The following ARAP2 variants were observed in gnomAD, a reference collection of about 807,000 sequenced individuals.
The protein encoded by ARAP2 is arf-GAP with Rho-GAP domain, ANK repeat and PH domain-containing protein 2.
In ARAP2, 148 loss-of-function variants were observed where a neutral mutation model predicts 194.5. The observed-to-expected ratio is 0.76, with a 90% CI of 0.67 to 0.87. The LOEUF (loss-of-function observed/expected upper bound fraction) is 0.87, where lower values mean the gene tolerates loss of function less well. Ranked by LOEUF, ARAP2 falls within the 40% of genes least tolerant of loss-of-function variation. The pLI is 0.00. For synonymous variants in ARAP2, 695 were observed against 683.5 expected (o/e 1.02, Z -0.26); for missense variants, 2,128 against 1,989.7 (o/e 1.07, Z -1.32).
chr4:36,196,551 A>G (rs760153181), intron 6 of ARAP2, among the ~76,000 whole-genome samples: 1 of 152,214 alleles, frequency 6.6e-6, no homozygotes, highest in Non-Finnish European at 1.5e-5. Context: ...TTTTAACTCA[A>G]TATTTTTAAA....
chr4:36,197,735 C>T (rs1306029174), intron 6 of ARAP2, among the ~76,000 whole-genome samples: 3 of 152,234 alleles, frequency 2.0e-5, no homozygotes, highest in African/African-American at 7.2e-5. Context: ...CCAGCTGCTG[C>T]AGCGGGGCAG....
intron 6 of ARAP2, among the ~76,000 whole-genome samples, chr4:36,018,123 G>C (rs1282699479): frequency 6.6e-6 from 1 of 152,062 alleles, no homozygotes; most frequent in African/African-American, 2.4e-5. Context: ...AGTTTAAAAT[G>C]TTTTAAGTCT....
chr4:36,040,305 A>G (rs1328418320), intron 5 of ARAP2, among the ~76,000 whole-genome samples: 1 of 152,210 alleles, frequency 6.6e-6, no homozygotes, highest in East Asian at 1.9e-4. Context: ...GACACAAAAC[A>G]CATACGATGC....
chr4:36,060,742 T>C (rs1435202743), intron 1 of ARAP2, among the ~76,000 whole-genome samples: 1 of 152,192 alleles, frequency 6.6e-6, no homozygotes, highest in Admixed American at 6.5e-5. Context: ...CTCTTCACTT[T>C]GCAGACACTC....
Position 36,067,831 on chromosome 4 carries a change from G to C in ARAP2, c.*76C>G. The C allele has an allele frequency of 6.9e-7, 1 of 1,459,554 alleles. No homozygotes were observed. The highest frequency in any genetic ancestry group is 9.1e-7 in the Non-Finnish European group (1 of 1,094,188). 90.4% of individuals were successfully genotyped at this position (1,459,554 alleles called of 1,614,324 possible). ...GCAAATTCTTATGAATTATCTTATA[G>C]TTCAGTTTTGGAGTTACACATAAAG... On this transcript the variant is annotated 3_prime_UTR_variant, in exon 33 of 33. Transcript: ENST00000303965.
At chr4:36,062,417 A>G (rs900425446), downstream of ARAP2, among the ~76,000 whole-genome samples, 4 of 151,542 alleles carry the variant, frequency 2.6e-5, no homozygotes, top group African/African-American at 9.7e-5. Context: ...GTAGATAGTT[A>G]TTAGGTTGGT....
At chr4:36,133,458 AT>A in intron 19 of ARAP2, 69 bp from the exon 20 acceptor site, 1 of 1,382,856 alleles carries the variant, frequency 7.2e-7, no homozygotes, top group Non-Finnish European at 9.9e-7. Flanking sequence ...TCCAAGACAG[AT>A]TACCCTAAAA....
At chr4:36,159,670 G>C (rs1014525313) in intron 13 of ARAP2, 165 bp from the exon 14 acceptor site, 1 of 540,916 alleles carries the variant, frequency 1.8e-6, no homozygotes, top group Non-Finnish European at 2.8e-6. Flanking sequence ...AGGCACAAAA[G>C]GCCTGGTTTA....
intron 29 of ARAP2, 53 bp downstream of exon 29, chr4:36,083,315 G>T (rs1730041923): frequency 7.9e-7 from 1 of 1,272,144 alleles, no homozygotes; most frequent in South Asian, 1.3e-5. Context: ...TCCTTAAATA[G>T]ACATATTTTT....
chr4:36,043,477 G>A (rs1721216325), intron 5 of ARAP2, among the ~76,000 whole-genome samples: 1 of 152,094 alleles, frequency 6.6e-6, no homozygotes, highest in Non-Finnish European at 1.5e-5. Flanking sequence ...TTAGCCAACG[G>A]TGTTTGGACT....
intron 32 of ARAP2, among the ~76,000 whole-genome samples, chr4:36,072,947 A>G (rs554561405): frequency 1.4e-4 from 22 of 152,288 alleles, no homozygotes; most frequent in Admixed American, 1.2e-3. Context: ...CTGTTTGGAG[A>G]GCAAAAGATT....
At chr4:36,154,253 G>A (rs13119848) in intron 15 of ARAP2, among the ~76,000 whole-genome samples, 2 of 151,888 alleles carry the variant, frequency 1.3e-5, no homozygotes, top group Non-Finnish European at 2.9e-5. Context: ...ATAGTATTCG[G>A]CACCCACTAC....
downstream of ARAP2, among the ~76,000 whole-genome samples, chr4:36,061,337 A>C (rs1724404408): frequency 6.6e-6 from 1 of 152,132 alleles, no homozygotes; most frequent in Non-Finnish European, 1.5e-5. Context: ...AACCATTCTT[A>C]TCTCATCCCA....
intron 5 of ARAP2, among the ~76,000 whole-genome samples, chr4:36,031,218 G>A (rs1017892631): frequency 1.3e-5 from 2 of 152,010 alleles, no homozygotes; most frequent in African/African-American, 2.4e-5. Flanking sequence ...ATTTATTCTC[G>A]TTTCATAAAT....
At chr4:36,087,325 T>C (rs1712147583) in intron 28 of ARAP2, among the ~76,000 whole-genome samples, 1 of 152,070 alleles carries the variant, frequency 6.6e-6, no homozygotes, top group South Asian at 2.1e-4. Context: ...AATGTAAAAA[T>C]TAAAGTATCA....
At chr4:36,174,636 C>T (rs1202733588) in intron 9 of ARAP2, among the ~76,000 whole-genome samples, 1 of 152,138 alleles carries the variant, frequency 6.6e-6, no homozygotes, top group Non-Finnish European at 1.5e-5. Flanking sequence ...TCTACAACCC[C>T]TTTCCAGAAA....
chr4:36,090,558 G>C (rs137914128), intron 28 of ARAP2, among the ~76,000 whole-genome samples: 156 of 152,188 alleles, frequency 1.0e-3, no homozygotes, highest in African/African-American at 3.6e-3. Context: ...TATCCACCAC[G>C]ATCATGGAAC....
chr4:36,091,020 G>C (rs1240801033), intron 28 of ARAP2, among the ~76,000 whole-genome samples: 1 of 151,942 alleles, frequency 6.6e-6, no homozygotes, highest in Non-Finnish European at 1.5e-5. Context: ...TTATCCTAAT[G>C]CTTTTTAAAA....
Position 36,159,193 on chromosome 4 carries a change from G to A in ARAP2, c.2617+138C>T, listed in dbSNP as rs190128951. The A allele has an allele frequency of 2.6e-4, 223 of 873,654 alleles. 1 individual carries two copies. The African/African-American group carries it at 3.7e-3, about 14-fold the overall frequency. The allele number at this position is 873,654 out of a possible 1,614,324, so 54.1% of individuals were successfully genotyped here. Reference sequence around the variant, plus strand: ...TGAAATGATATAAAAAATAGTCTTAGGCATCTCCATCTTTTTGGTAATTAC... The same window carrying A: ...TGAAATGATATAAAAAATAGTCTTAAGCATCTCCATCTTTTTGGTAATTAC... On this transcript the variant is annotated intron_variant, in intron 14 of 32. Coordinates refer to ENST00000303965, the MANE Select transcript of ARAP2 (RefSeq NM_015230.4).
Sources: gnomAD v4.1 joint callset for allele counts (sites outside exome capture counted in the v4.1 genomes callset) on GRCh38, gnomAD v4.1.1 for gene constraint, MANE v1.5 for transcripts, NCBI Gene and HGNC (gene_info 2026-07-23, HGNC 2026-07-21) for gene names.